Variants in CNTN3 observed in about 807,000 individuals in gnomAD.
CNTN3 encodes contactin 3, also known as contactin-3.
In CNTN3, 60 loss-of-function variants were observed where a neutral mutation model predicts 119.1. The ratio of observed to expected loss-of-function variants is 0.50; its 90% confidence interval spans 0.41 to 0.62. CNTN3 has a LOEUF of 0.62. CNTN3 is among the 20% of genes least tolerant of loss of function. The pLI is 0.00. For synonymous variants in CNTN3, 450 were observed against 438.7 expected, an observed-to-expected ratio of 1.03 and a Z score of -0.32; for missense variants, 1,101 against 1,242.4, an observed-to-expected ratio of 0.89 and a Z score of 1.71.
At chr3:74,350,294 CA>C (rs1432266018) in intron 11 of CNTN3, among the ~76,000 whole-genome samples, 8 of 152,132 alleles carry the variant, frequency 5.3e-5, no homozygotes, top group Admixed American at 5.2e-4. Context: ...ATAAAAAAGA[CA>C]TACTAGCAGC....
intron 4 of CNTN3, among the ~76,000 whole-genome samples, chr3:74,470,157 C>T (rs1206501884): frequency 1.3e-5 from 2 of 151,968 alleles, no homozygotes; most frequent in East Asian, 3.9e-4. Context: ...AAGTAGATTC[C>T]TGCTTTTTAG....
intron 1 of CNTN3, among the ~76,000 whole-genome samples, chr3:74,574,350 T>C (rs2106656102): frequency 6.6e-6 from 1 of 152,288 alleles, no homozygotes; most frequent in East Asian, 1.9e-4. Context: ...ATGAACATGT[T>C]CTAGAATTAG....
intron 11 of CNTN3, among the ~76,000 whole-genome samples, chr3:74,355,524 G>A (rs749186175): frequency 2.0e-5 from 3 of 151,794 alleles, no homozygotes; most frequent in African/African-American, 7.3e-5. Flanking sequence ...GCAAGGTCTC[G>A]GTACACTGCA....
chr3:74,397,455 G>C (rs553668501), intron 5 of CNTN3, among the ~76,000 whole-genome samples: 1 of 151,688 alleles, frequency 6.6e-6, no homozygotes, highest in African/African-American at 2.4e-5. Flanking sequence ...ATATAAGACG[G>C]CAAACTTGAT....
At chr3:74,588,185 C>G (rs1005586053) in intron 1 of CNTN3, among the ~76,000 whole-genome samples, 6 of 151,910 alleles carry the variant, frequency 3.9e-5, no homozygotes, top group Non-Finnish European at 7.4e-5. Context: ...TTCGGTTTGC[C>G]AGTATTTTAT....
intron 1 of CNTN3, among the ~76,000 whole-genome samples, chr3:74,568,327 T>C: frequency 6.6e-6 from 1 of 152,220 alleles, no homozygotes; most frequent in Non-Finnish European, 1.5e-5. Flanking sequence ...GAAAACATTT[T>C]CTCTCACTAG....
Position 74,595,434 on chromosome 3 carries a change from A to G in CNTN3, c.-81+18957T>C, listed in dbSNP as rs528477032. ...GGGTTTTTATGGTTTTAGGTCTAAC[A>G]TTTAAGTCTTTAATCCATCTTGAAT... On this transcript the variant is annotated intron_variant, in intron 1 of 22. Coordinates refer to ENST00000263665, the MANE Select transcript of CNTN3 (RefSeq NM_020872.3). 1.7e-3 allele frequency among the ~76,000 whole-genome samples: 263 copies of G among 151,600 alleles called. 2 individuals are homozygous for G. The highest frequency in any genetic ancestry group is 5.8e-3 in the African/African-American group (242 of 41,430).
intron 1 of CNTN3, among the ~76,000 whole-genome samples, chr3:74,521,640 T>A (rs900738655): frequency 6.6e-6 from 1 of 151,862 alleles, no homozygotes; most frequent in Non-Finnish European, 1.5e-5. Context: ...GATAGCATTA[T>A]CAATGTCCAT....
chr3:74,325,808 ATT>A (rs940775747), intron 13 of CNTN3, among the ~76,000 whole-genome samples: 3 of 152,182 alleles, frequency 2.0e-5, no homozygotes, highest in Non-Finnish European at 4.4e-5. Context: ...AAACGCTGAC[ATT>A]CTGTTTCAGA....
chr3:74,539,885 AAGG>A (rs148583624), intron 1 of CNTN3, among the ~76,000 whole-genome samples: 192 of 152,254 alleles, frequency 1.3e-3, no homozygotes, highest in African/African-American at 4.4e-3. Context: ...TTTGTTCGGA[AAGG>A]AGGTTCCATT....
intron 1 of CNTN3, among the ~76,000 whole-genome samples, chr3:74,583,408 C>G (rs1006516467): frequency 1.3e-5 from 2 of 151,682 alleles, no homozygotes; most frequent in Non-Finnish European, 2.9e-5. Flanking sequence ...GTGATACATG[C>G]AACAACACCT....
chr3:74,470,603 C>G (rs1033853305), intron 4 of CNTN3, among the ~76,000 whole-genome samples: 4 of 152,064 alleles, frequency 2.6e-5, no homozygotes, highest in African/African-American at 9.7e-5. Context: ...CAGAGTATGG[C>G]CCGGGCAAAC....
At chr3:74,434,973 G>A (rs1289018586) in intron 4 of CNTN3, among the ~76,000 whole-genome samples, 1 of 152,040 alleles carries the variant, frequency 6.6e-6, no homozygotes, top group Non-Finnish European at 1.5e-5. Context: ...TGTTCTTGGT[G>A]TTTCCTCTAA....
chr3:74,529,704 T>A (rs1195112423), intron 1 of CNTN3, among the ~76,000 whole-genome samples: 1 of 151,928 alleles, frequency 6.6e-6, no homozygotes, highest in East Asian at 1.9e-4. Flanking sequence ...CCTAAAATGA[T>A]AAAATGTGAA....
intron 2 of CNTN3, among the ~76,000 whole-genome samples, chr3:74,501,771 A>G (rs1163911778): frequency 8.0e-6 from 1 of 124,900 alleles, no homozygotes; most frequent in African/African-American, 3.1e-5. Context: ...ACTTTCATCT[A>G]TCAGGGGAAA....
chr3:74,364,960 T>C (rs1200810288), intron 9 of CNTN3, among the ~76,000 whole-genome samples: 1 of 152,168 alleles, frequency 6.6e-6, no homozygotes, highest in East Asian at 1.9e-4. Flanking sequence ...GTTGGAAATG[T>C]TTTCACTATG....
chr3:74,304,868 T>C (rs1313257366), intron 13 of CNTN3, among the ~76,000 whole-genome samples: 1 of 152,154 alleles, frequency 6.6e-6, no homozygotes, highest in Non-Finnish European at 1.5e-5. Context: ...AGTGTATGAA[T>C]ACATAAAAGG....
intron 5 of CNTN3, among the ~76,000 whole-genome samples, chr3:74,406,910 C>T (rs1406922461): frequency 1.3e-5 from 2 of 152,134 alleles, no homozygotes; most frequent in African/African-American, 4.8e-5. Flanking sequence ...CATGTACTTA[C>T]TAATTCTTTT....
At chr3:74,448,235 G>A (rs1575734652) in intron 4 of CNTN3, among the ~76,000 whole-genome samples, 3 of 152,174 alleles carry the variant, frequency 2.0e-5, no homozygotes, top group Middle Eastern at 6.8e-3. Context: ...TTTATGTTGT[G>A]TATGTTGCCA....
Sources: allele counts gnomAD v4.1 joint callset (sites outside exome capture counted in the v4.1 genomes callset), GRCh38; gene constraint gnomAD v4.1.1; transcripts MANE v1.5; gene names NCBI Gene and HGNC (gene_info 2026-07-23, HGNC 2026-07-21).